ACER3: variants seen among roughly 807,000 people sequenced by gnomAD.
ACER3 encodes the protein alkCDase 3.
A neutral mutation model predicts 48.9 loss-of-function variants in ACER3; 16 were observed. The observed-to-expected ratio is 0.33, with a 90% CI of 0.22 to 0.50. The LOEUF is 0.50. Among genes scored for constraint, ACER3 ranks in the 20% least tolerant of loss-of-function variants. The pLI is 0.98. For missense variants in ACER3, 227 were observed against 326.0 expected (o/e 0.70, Z 2.34); for synonymous variants, 109 against 107.8 (o/e 1.01, Z -0.07).
intron 3 of ACER3, 194 bp downstream of exon 3, chr11:76,959,225 C>CAAGGAAAACA: frequency 6.8e-7 from 1 of 1,461,194 alleles, no homozygotes; most frequent in Non-Finnish European, 9.0e-7. Flanking sequence ...AAAACAAGTA[C>CAAGGAAAACA]AAATAGTATA....
intron 6 of ACER3, among the ~76,000 whole-genome samples, chr11:76,993,812 G>A (rs928431407): frequency 1.3e-5 from 2 of 152,140 alleles, no homozygotes; most frequent in African/African-American, 4.8e-5. Flanking sequence ...TAGTGTTTGC[G>A]CTCCTATGAG....
At chr11:76,872,455 C>T (rs1945266647) in intron 1 of ACER3, among the ~76,000 whole-genome samples, 1 of 152,100 alleles carries the variant, frequency 6.6e-6, no homozygotes, top group East Asian at 1.9e-4. Flanking sequence ...CTTTTTTAGA[C>T]CCCAGTGAGT....
In ACER3 at chr11:77,002,963, G is replaced by T. The variant is rs142997871; in HGVS notation, c.497+4142G>T. Among the ~76,000 whole-genome samples the T allele has an allele frequency of 2.9e-4, 44 of 152,198 alleles. 1 individual carries two copies. The East Asian group carries it at 7.5e-3, about 26-fold the overall frequency. On this transcript the variant is annotated intron_variant, in intron 7 of 10. Transcript: ENST00000532485. ...GGAGTAGGATGAGGGGGTTCCCTGG[G>T]GAAGGCATTGGAGAGTTATCGTTTT...
At chr11:76,905,934 C>T (rs2134696978) in intron 1 of ACER3, among the ~76,000 whole-genome samples, 1 of 152,168 alleles carries the variant, frequency 6.6e-6, no homozygotes, top group East Asian at 1.9e-4. Context: ...TTAACCATTA[C>T]ATCTGGAAAT....
At chr11:76,997,682 A>AC (rs1412662692) in intron 6 of ACER3, among the ~76,000 whole-genome samples, 3 of 151,318 alleles carry the variant, frequency 2.0e-5, no homozygotes. Context: ...CTAAAAAGAA[A>AC]AAAAATTAGC....
At chr11:76,877,391 A>G (rs999759050) in intron 1 of ACER3, among the ~76,000 whole-genome samples, 1 of 152,190 alleles carries the variant, frequency 6.6e-6, no homozygotes, top group African/African-American at 2.4e-5. Context: ...CTGTGTTTTT[A>G]TGATCTTCAC....
intron 1 of ACER3, among the ~76,000 whole-genome samples, chr11:76,870,640 AATTT>A (rs1945220154): frequency 6.6e-6 from 1 of 152,174 alleles, no homozygotes; most frequent in Non-Finnish European, 1.5e-5. Context: ...GGGTGCCATG[AATTT>A]ATTGTCACTC....
chr11:76,947,533 C>T (rs1386953163), intron 2 of ACER3, among the ~76,000 whole-genome samples: 1 of 152,166 alleles, frequency 6.6e-6, no homozygotes, highest in Non-Finnish European at 1.5e-5. Context: ...GTCTAATAGA[C>T]TTTTAAATTG....
At chr11:76,965,109 C>T (rs1022687016) in intron 3 of ACER3, among the ~76,000 whole-genome samples, 1 of 151,010 alleles carries the variant, frequency 6.6e-6, no homozygotes, top group Non-Finnish European at 1.5e-5. Context: ...GCAGAGAGGT[C>T]CTTAAAGGAC....
At chr11:76,927,364 GTCTTCTGTCATGT>G (rs1946858026) in intron 2 of ACER3, among the ~76,000 whole-genome samples, 1 of 152,064 alleles carries the variant, frequency 6.6e-6, no homozygotes, top group Non-Finnish European at 1.5e-5. Context: ...AATCACTTCT[GTCTTCTGTCATGT>G]TCTTGCATCA....
intron 4 of ACER3, among the ~76,000 whole-genome samples, chr11:76,983,504 G>A (rs1040698095): frequency 2.6e-5 from 4 of 152,026 alleles, no homozygotes; most frequent in African/African-American, 7.3e-5. Context: ...TTGTAGAGAC[G>A]AGATTTTGCC....
intron 1 of ACER3, among the ~76,000 whole-genome samples, chr11:76,912,906 G>A (rs1029519928): frequency 1.3e-5 from 2 of 151,942 alleles, no homozygotes; most frequent in African/African-American, 2.4e-5. Flanking sequence ...GAAAGAATTC[G>A]ACTGAGGGCC....
chr11:76,934,444 G>A (rs562065129), intron 2 of ACER3, among the ~76,000 whole-genome samples: 100 of 152,358 alleles, frequency 6.6e-4, no homozygotes, highest in African/African-American at 1.3e-3. Context: ...CCGGCACCTC[G>A]GGAGGCCGAG....
At chr11:76,933,509 A>G (rs1156946075) in intron 2 of ACER3, among the ~76,000 whole-genome samples, 1 of 151,452 alleles carries the variant, frequency 6.6e-6, no homozygotes, top group African/African-American at 2.4e-5. Context: ...GCCTTCAAGC[A>G]TCTGTTTAAC....
chr11:76,989,833 C>T (rs1948762249), intron 5 of ACER3, among the ~76,000 whole-genome samples: 1 of 152,170 alleles, frequency 6.6e-6, no homozygotes, highest in Non-Finnish European at 1.5e-5. Flanking sequence ...AACTGTACTC[C>T]TGTAGGGCAA....
At chr11:76,896,926 TTTG>T (rs112967745) in intron 1 of ACER3, among the ~76,000 whole-genome samples, 27 of 151,766 alleles carry the variant, frequency 1.8e-4, no homozygotes, top group East Asian at 1.5e-3. Flanking sequence ...AAGGGAGTTT[TTTG>T]TTGTTGTTGT....
In ACER3 at chr11:77,024,865, A is replaced by G. The variant is rs1949528330; in HGVS notation, c.*4538A>G. ...ACAAGAATTTTTTTTTAAATAGAAA[A>G]CCCTAAAATGCAAATCAAGAAATTC... On this transcript the variant is annotated 3_prime_UTR_variant, in exon 11 of 11. Coordinates refer to ENST00000532485, the MANE Select transcript of ACER3 (RefSeq NM_018367.7). 6.6e-6 allele frequency: 1 copy of G among 152,114 alleles called. No homozygotes were observed. Among genetic ancestry groups the G allele is most frequent in the Admixed American group, 6.6e-5 (1 of 15,266 alleles). The allele number at this position is 152,114 out of a possible 1,614,324, so 9.4% of individuals were successfully genotyped here. A position where few individuals can be genotyped will look rare whatever the true frequency, so the allele number is the denominator to read the frequency against.
chr11:76,959,067 C>G (rs186679888), intron 3 of ACER3, 36 bp downstream of exon 3: 129 of 1,613,240 alleles, frequency 8.0e-5, no homozygotes, highest in Non-Finnish European at 1.0e-4. Flanking sequence ...GCTTATTTCT[C>G]TTAATTCAGA....
At chr11:77,013,123 C>A (rs1249472252) in intron 7 of ACER3, among the ~76,000 whole-genome samples, 4 of 152,184 alleles carry the variant, frequency 2.6e-5, no homozygotes, top group East Asian at 1.9e-4. Context: ...GAAGTGAGTT[C>A]TATTTCCAAA....
Sources: allele counts gnomAD v4.1 joint callset (sites outside exome capture counted in the v4.1 genomes callset), GRCh38; gene constraint gnomAD v4.1.1; transcripts MANE v1.5; gene names NCBI Gene and HGNC (gene_info 2026-07-23, HGNC 2026-07-21).